Variants in STAG1 observed in about 807,000 individuals in gnomAD.
The protein encoded by STAG1 is STAG1 cohesin complex component, also known as cohesin subunit SA-1.
A neutral mutation model predicts 170.9 loss-of-function variants in STAG1; 26 were observed. The ratio of observed to expected loss-of-function variants is 0.15; its 90% CI spans 0.11 to 0.21. The LOEUF (loss-of-function observed/expected upper bound fraction) is 0.21, where lower values mean the gene tolerates loss of function less well. STAG1 is among the 10% of genes least tolerant of loss of function. The pLI is 1.00. For missense variants in STAG1, 964 were observed against 1,509.5 expected (o/e 0.64, Z 5.99); for synonymous variants, 514 against 497.7 (o/e 1.03, Z -0.44).
intron 1 of STAG1, among the ~76,000 whole-genome samples, chr3:136,705,369 T>C (rs1479795596): frequency 7.2e-6 from 1 of 138,182 alleles, no homozygotes; most frequent in Non-Finnish European, 1.5e-5. Context: ...AAATATCACA[T>C]GATCATCAAA....
At chr3:136,725,534 C>A (rs1933611480) in intron 1 of STAG1, among the ~76,000 whole-genome samples, 1 of 152,138 alleles carries the variant, frequency 6.6e-6, no homozygotes, top group Admixed American at 6.5e-5. Context: ...AACGCCAATT[C>A]TATGTTTTCT....
chr3:136,447,408 G>A (rs955208072), intron 14 of STAG1, among the ~76,000 whole-genome samples: 6 of 151,736 alleles, frequency 4.0e-5, no homozygotes, highest in Non-Finnish European at 8.8e-5. Flanking sequence ...GGCGGAGGGT[G>A]CAGTGAGCTA....
At chr3:136,571,669 C>G (rs1338760056) in intron 4 of STAG1, among the ~76,000 whole-genome samples, 1 of 151,954 alleles carries the variant, frequency 6.6e-6, no homozygotes, top group East Asian at 1.9e-4. Context: ...GCCAGGAGTT[C>G]AAGACCAGCC....
chr3:136,435,736 C>G (rs2088440998), intron 15 of STAG1, among the ~76,000 whole-genome samples: 1 of 151,980 alleles, frequency 6.6e-6, no homozygotes, highest in South Asian at 2.1e-4. Context: ...GTGAGGCTAT[C>G]TTGGCTCACT....
intron 1 of STAG1, among the ~76,000 whole-genome samples, chr3:136,648,362 A>G (rs1941102460): frequency 6.6e-6 from 1 of 152,190 alleles, no homozygotes; most frequent in Admixed American, 6.5e-5. Flanking sequence ...AATGTGATGT[A>G]CCCTTTAGTT....
chr3:136,698,304 G>C (rs959970369), intron 1 of STAG1, among the ~76,000 whole-genome samples: 1 of 151,610 alleles, frequency 6.6e-6, no homozygotes, highest in Non-Finnish European at 1.5e-5. Flanking sequence ...AAATCAGCAA[G>C]AAAAAAACAA....
chr3:136,346,167 A>G (rs973708499), intron 29 of STAG1, among the ~76,000 whole-genome samples: 1 of 152,196 alleles, frequency 6.6e-6, no homozygotes. Context: ...ACATCAGAGC[A>G]TTGACCATGG....
At chr3:136,607,119 T>C (rs1255057965) in intron 3 of STAG1, among the ~76,000 whole-genome samples, 1 of 152,114 alleles carries the variant, frequency 6.6e-6, no homozygotes, top group Non-Finnish European at 1.5e-5. Context: ...AATGTTGATA[T>C]TGACCTAAAT....
chr3:136,750,248 T>C (rs1935161255), intron 1 of STAG1, among the ~76,000 whole-genome samples: 1 of 152,176 alleles, frequency 6.6e-6, no homozygotes, highest in Non-Finnish European at 1.5e-5. Flanking sequence ...ACTCCTGGGT[T>C]TAAGGGTTCC....
chr3:136,468,070 G>A (rs910694110), intron 12 of STAG1, among the ~76,000 whole-genome samples: 2 of 152,152 alleles, frequency 1.3e-5, no homozygotes, highest in Non-Finnish European at 2.9e-5. Context: ...ATCTAAAATT[G>A]ACAACCTAAC....
At chr3:136,722,051 A>C (rs1933309173) in intron 1 of STAG1, among the ~76,000 whole-genome samples, 1 of 151,962 alleles carries the variant, frequency 6.6e-6, no homozygotes, top group South Asian at 2.1e-4. Flanking sequence ...GTGAGACCCC[A>C]TCTCTAATAA....
intron 3 of STAG1, among the ~76,000 whole-genome samples, chr3:136,620,130 A>T (rs1030814456): frequency 6.6e-6 from 1 of 152,188 alleles, no homozygotes; most frequent in African/African-American, 2.4e-5. Flanking sequence ...AATACTGCCT[A>T]TAATAGAAAC....
intron 1 of STAG1, among the ~76,000 whole-genome samples, chr3:136,652,996 C>T (rs1272523882): frequency 3.3e-5 from 5 of 152,048 alleles, no homozygotes; most frequent in South Asian, 2.1e-4. Flanking sequence ...AACTAGCAGC[C>T]GGGCACAGTG....
intron 1 of STAG1, among the ~76,000 whole-genome samples, chr3:136,651,376 T>TA (rs57372663): frequency 0.22 from 27,010 of 121,912 alleles, 4,682 homozygotes; most frequent in African/African-American, 0.51. Context: ...ACCAAAAATT[T>TA]AAAAAAAAAA....
At chr3:136,731,648 G>A (rs930095949) in intron 1 of STAG1, among the ~76,000 whole-genome samples, 6 of 152,162 alleles carry the variant, frequency 3.9e-5, no homozygotes, top group Non-Finnish European at 7.4e-5. Context: ...TGTGTACTTC[G>A]GGAAAACAAG....
At chr3:136,702,591 G>A (rs1053158688) in intron 1 of STAG1, among the ~76,000 whole-genome samples, 25 of 151,908 alleles carry the variant, frequency 1.6e-4, no homozygotes, top group African/African-American at 5.1e-4. Flanking sequence ...TCACCATGTC[G>A]GCCAGGCTAG....
intron 1 of STAG1, among the ~76,000 whole-genome samples, chr3:136,668,856 G>A (rs1262818122): frequency 4.6e-5 from 7 of 152,160 alleles, no homozygotes; most frequent in Non-Finnish European, 8.8e-5. Flanking sequence ...AAGGGAGATC[G>A]AAGCAAAACA....
intron 22 of STAG1, among the ~76,000 whole-genome samples, chr3:136,383,086 G>C (rs1013818222): frequency 5.3e-5 from 8 of 152,106 alleles, no homozygotes; most frequent in African/African-American, 1.9e-4. Context: ...CTGTGATTTT[G>C]CTCAAGTTGA....
intron 1 of STAG1, among the ~76,000 whole-genome samples, chr3:136,636,205 G>A (rs1021659957): frequency 1.3e-5 from 2 of 151,466 alleles, no homozygotes; most frequent in African/African-American, 2.4e-5. Flanking sequence ...CCGAGACCAC[G>A]CCATTGCACT....
Sources: allele counts gnomAD v4.1 joint callset (sites outside exome capture counted in the v4.1 genomes callset), GRCh38; gene constraint gnomAD v4.1.1; transcripts MANE v1.5; gene names NCBI Gene and HGNC (gene_info 2026-07-23, HGNC 2026-07-21).